Variants in FHIT observed in about 807,000 individuals in gnomAD.
The protein encoded by FHIT is bis(5'-adenosyl)-triphosphatase.
A neutral mutation model predicts 17.9 loss-of-function variants in FHIT; 19 were observed. The observed-to-expected ratio is 1.06, with a 90% confidence interval of 0.74 to 1.56. FHIT has a LOEUF of 1.56. FHIT is among the 40% of genes most tolerant of loss of function. The pLI, the probability that FHIT is intolerant of heterozygous loss-of-function variation, is 0.00. For synonymous variants in FHIT, 81 were observed against 69.7 expected (o/e 1.16, Z -0.81); for missense variants, 248 against 189.2 (o/e 1.31, Z -1.82).
chr3:61,069,263 G>A (rs745373749), intron 2 of FHIT, among the ~76,000 whole-genome samples: 1 of 152,134 alleles, frequency 6.6e-6, no homozygotes, highest in Non-Finnish European at 1.5e-5. Context: ...CTCCACAAGG[G>A]GAAAGGTGGT....
intron 5 of FHIT, among the ~76,000 whole-genome samples, chr3:60,152,172 TAATC>T (rs561328344): frequency 1.6e-3 from 237 of 152,276 alleles, no homozygotes; most frequent in African/African-American, 5.3e-3. Flanking sequence ...GAAAACCTGA[TAATC>T]AATGAATGGC....
rs113302649 is a variant in FHIT at position 60,904,871 on chromosome 3, G to A, written c.-110-82860C>T. On this transcript the variant is annotated intron_variant, in intron 3 of 9. Coordinates refer to ENST00000492590, the MANE Select transcript of FHIT (RefSeq NM_002012.4). ...AGAGAATTGCTTGAACCCGGGAGGC[G>A]GAGGTTGCAGTGAGCTGAGATCACA... 8.4e-3 allele frequency among the ~76,000 whole-genome samples: 1,265 copies of A among 151,036 alleles called. 17 individuals are homozygous for A. The highest frequency in any genetic ancestry group is 0.028 in the African/African-American group (1,153 of 41,052).
At position 59,806,295 on chromosome 3, in the gene FHIT, T is replaced by C. The variant is rs75001453; in HGVS notation, c.349-53974A>G. 8.5e-3 allele frequency among the ~76,000 whole-genome samples: 1,297 copies of C among 152,228 alleles called. 13 individuals carry two copies. Among genetic ancestry groups the C allele is most frequent in the African/African-American group, 0.03 (1,230 of 41,542 alleles). On this transcript the variant is annotated intron_variant, in intron 8 of 9. Transcript: ENST00000492590. The stretch of plus-strand genomic sequence containing the variant: ...AAATGGTAGAGTTAATTTTTAGGCC[T>C]CTCTTAAGCCTCACAATGGTTCTAA...
intron 5 of FHIT, among the ~76,000 whole-genome samples, chr3:60,403,253 A>G (rs1429939384): frequency 2.0e-5 from 3 of 152,240 alleles, no homozygotes; most frequent in African/African-American, 7.2e-5. Context: ...GTCTTCATGC[A>G]GCTTCAAGAG....
chr3:60,449,993 C>A, intron 5 of FHIT, among the ~76,000 whole-genome samples: 1 of 96,520 alleles, frequency 1.0e-5, no homozygotes, highest in African/African-American at 5.5e-5. Context: ...CAGAGCTAGA[C>A]TCTGTCAAAA....
chr3:60,664,631 T>A (rs1252337377), intron 4 of FHIT, among the ~76,000 whole-genome samples: 2 of 151,866 alleles, frequency 1.3e-5, no homozygotes, highest in East Asian at 3.8e-4. Flanking sequence ...GGGATATTTT[T>A]AATTATTAAT....
intron 2 of FHIT, among the ~76,000 whole-genome samples, chr3:61,156,633 G>T (rs1429184022): frequency 6.6e-6 from 1 of 152,128 alleles, no homozygotes; most frequent in Non-Finnish European, 1.5e-5. Flanking sequence ...AGTTTAAGAG[G>T]TAAAGTTTAT....
intron 5 of FHIT, among the ~76,000 whole-genome samples, chr3:60,239,746 T>A (rs213389): frequency 1.3e-5 from 2 of 152,038 alleles, no homozygotes; most frequent in South Asian, 2.1e-4. Flanking sequence ...CCAATTCTCA[T>A]TTAATGAATA....
At chr3:60,035,349 G>A (rs1004820071) in intron 5 of FHIT, among the ~76,000 whole-genome samples, 1 of 152,134 alleles carries the variant, frequency 6.6e-6, no homozygotes, top group Non-Finnish European at 1.5e-5. Context: ...CAATTTTCCT[G>A]CCTCAGCCTC....
intron 2 of FHIT, among the ~76,000 whole-genome samples, chr3:61,189,532 C>T (rs945987565): frequency 3.4e-4 from 52 of 152,150 alleles, no homozygotes; most frequent in Non-Finnish European, 5.1e-4. Flanking sequence ...AGATTCAATG[C>T]CATCCCCATC....
At chr3:60,126,714 A>G (rs1025804383) in intron 5 of FHIT, among the ~76,000 whole-genome samples, 7 of 152,188 alleles carry the variant, frequency 4.6e-5, no homozygotes, top group Non-Finnish European at 4.4e-5. Flanking sequence ...GTATTACCAC[A>G]TTTACCTCAA....
At chr3:61,021,378 T>C (rs1200892284) in intron 3 of FHIT, among the ~76,000 whole-genome samples, 1 of 149,854 alleles carries the variant, frequency 6.7e-6, no homozygotes, top group East Asian at 2.0e-4. Flanking sequence ...GGCGGGCGGA[T>C]CACGAGGTCA....
chr3:60,290,735 T>C (rs897380894), intron 5 of FHIT, among the ~76,000 whole-genome samples: 1 of 152,106 alleles, frequency 6.6e-6, no homozygotes, highest in African/African-American at 2.4e-5. Flanking sequence ...AAATACTGAA[T>C]TGGGTTTTGC....
At chr3:60,905,098 T>C (rs1422627981) in intron 3 of FHIT, among the ~76,000 whole-genome samples, 1 of 152,120 alleles carries the variant, frequency 6.6e-6, no homozygotes, top group Non-Finnish European at 1.5e-5. Context: ...CACTAAGAAT[T>C]ATAACCATAT....
At chr3:60,808,195 T>G (rs564290747) in intron 4 of FHIT, among the ~76,000 whole-genome samples, 48 of 152,366 alleles carry the variant, frequency 3.2e-4, no homozygotes, top group Middle Eastern at 3.4e-3. Context: ...CCAACTTTTA[T>G]GTAAGGTATG....
chr3:59,927,148 A>T (rs2107211760), intron 7 of FHIT, among the ~76,000 whole-genome samples: 1 of 152,204 alleles, frequency 6.6e-6, no homozygotes, highest in South Asian at 2.1e-4. Context: ...CATAAAAAGG[A>T]GTGATGTGCG....
intron 5 of FHIT, among the ~76,000 whole-genome samples, chr3:60,490,895 A>G (rs888093614): frequency 5.3e-5 from 8 of 152,148 alleles, no homozygotes; most frequent in Non-Finnish European, 8.8e-5. Flanking sequence ...CAGGTAGCCA[A>G]TTTGGGCCCC....
intron 8 of FHIT, among the ~76,000 whole-genome samples, chr3:59,862,636 T>G (rs534744345): frequency 5.9e-5 from 9 of 152,366 alleles, no homozygotes; most frequent in African/African-American, 2.2e-4. Flanking sequence ...GCTGGGTTCC[T>G]CTAAAGCAAA....
intron 7 of FHIT, among the ~76,000 whole-genome samples, chr3:59,923,289 CAGA>C (rs936718541): frequency 1.3e-4 from 18 of 141,282 alleles, no homozygotes; most frequent in Non-Finnish European, 2.6e-4. Flanking sequence ...CTCCACTTTA[CAGA>C]AGAAGATATC....
Sources: allele counts gnomAD v4.1 joint callset (sites outside exome capture counted in the v4.1 genomes callset), GRCh38; gene constraint gnomAD v4.1.1; transcripts MANE v1.5; gene names NCBI Gene and HGNC (gene_info 2026-07-23, HGNC 2026-07-21).